The following TBC1D19 variants were observed in gnomAD, a reference collection of about 807,000 sequenced individuals.
TBC1D19 encodes TBC1 domain family member 19.
A neutral mutation model predicts 89.0 loss-of-function variants in TBC1D19; 60 were observed. The ratio of observed to expected loss-of-function variants is 0.67; its 90% CI spans 0.55 to 0.84. The LOEUF is 0.84. TBC1D19 is among the 40% of genes least tolerant of loss of function. The probability of loss-of-function intolerance (pLI) is 0.00; values close to 1 mark genes in which losing one functional copy is unlikely to be tolerated. For missense variants in TBC1D19, 500 were observed against 610.8 expected, an observed-to-expected ratio of 0.82 and a Z score of 1.91; for synonymous variants, 189 against 199.7, an observed-to-expected ratio of 0.95 and a Z score of 0.45.
Position 26,753,738 on chromosome 4 carries a change from T to C in TBC1D19, c.1436-82T>C, listed in dbSNP as rs1343009236. 7 of 1,473,324 alleles carry C rather than the reference T, an allele frequency of 4.8e-6. No individual in the cohort carries two copies. The East Asian group carries it at 1.1e-4, about 24-fold the overall frequency. 91.3% of individuals were successfully genotyped at this position (1,473,324 alleles called of 1,614,324 possible). A position where few individuals can be genotyped will look rare whatever the true frequency, so the allele number is the denominator to read the frequency against. On this transcript the variant is annotated intron_variant, in intron 19 of 20. Coordinates refer to ENST00000264866, the MANE Select transcript of TBC1D19 (RefSeq NM_018317.4). ...GCACTAGTTCTGAGTTTCCGTGCAG[T>C]GGATTTTGGGCATAGCATAGCAGTA...
intron 15 of TBC1D19, among the ~76,000 whole-genome samples, chr4:26,735,003 C>CATGTAT (rs1553915282): frequency 1.8e-3 from 211 of 115,260 alleles, no homozygotes; most frequent in African/African-American, 6.1e-3. Context: ...TATGTATACA[C>CATGTAT]ATATGTATAT....
intron 9 of TBC1D19, among the ~76,000 whole-genome samples, chr4:26,669,951 T>G (rs1284469854): frequency 6.6e-6 from 1 of 151,726 alleles, no homozygotes; most frequent in African/African-American, 2.4e-5. Flanking sequence ...AGTTTTGTGA[T>G]GTGCTTATCA....
At chr4:26,829,283 G>T in the TBC1D19 span, among the ~76,000 whole-genome samples, 1 of 152,154 alleles carries the variant, frequency 6.6e-6, no homozygotes, top group African/African-American at 2.4e-5. Context: ...CTCTGTTCTC[G>T]CTGTGGGAGT....
intron 12 of TBC1D19, among the ~76,000 whole-genome samples, chr4:26,686,375 T>C (rs1046618306): frequency 2.6e-5 from 4 of 151,952 alleles, no homozygotes; most frequent in African/African-American, 4.8e-5. Context: ...CAGAACATCA[T>C]TGAACCCTCC....
intron 13 of TBC1D19, among the ~76,000 whole-genome samples, chr4:26,714,651 A>C (rs1264028702): frequency 2.0e-5 from 3 of 152,080 alleles, no homozygotes. Context: ...ATAAATACAA[A>C]ACCAGATAAG....
intron 16 of TBC1D19, 44 bp downstream of exon 16, chr4:26,735,531 A>G (rs752446600): frequency 6.8e-7 from 1 of 1,461,152 alleles, no homozygotes; most frequent in South Asian, 1.3e-5. Context: ...CAAAACATAC[A>G]ATGTTATCTG....
chr4:26,857,662 G>A, the TBC1D19 span: 5 of 152,314 alleles, frequency 3.3e-5, no homozygotes, highest in Non-Finnish European at 7.3e-5. Flanking sequence ...GCACCTGGGG[G>A]AAGCCGGCAG....
intron 18 of TBC1D19, among the ~76,000 whole-genome samples, chr4:26,748,058 T>C (rs1718747377): frequency 6.6e-6 from 1 of 152,182 alleles, no homozygotes; most frequent in African/African-American, 2.4e-5. Flanking sequence ...AAATTCAAAT[T>C]ATTATAGATT....
intron 13 of TBC1D19, among the ~76,000 whole-genome samples, chr4:26,698,754 A>G (rs975264227): frequency 2.0e-5 from 3 of 152,098 alleles, no homozygotes; most frequent in Non-Finnish European, 2.9e-5. Flanking sequence ...CAAAAAGAAG[A>G]AATGGGGAAA....
chr4:26,657,280 C>T (rs1449832659), intron 7 of TBC1D19, among the ~76,000 whole-genome samples: 1 of 151,848 alleles, frequency 6.6e-6, no homozygotes, highest in Non-Finnish European at 1.5e-5. Context: ...GTTTTCCTCC[C>T]TGTGTCCATG....
At chr4:26,599,591 T>C (rs1342573400) in intron 1 of TBC1D19, among the ~76,000 whole-genome samples, 2 of 152,210 alleles carry the variant, frequency 1.3e-5, no homozygotes, top group Non-Finnish European at 2.9e-5. Context: ...TTGTGTTCTC[T>C]AGAAAAGGGC....
the TBC1D19 span, among the ~76,000 whole-genome samples, chr4:26,849,969 T>C: frequency 6.6e-6 from 1 of 152,188 alleles, no homozygotes; most frequent in African/African-American, 2.4e-5. Context: ...TCTCTGCCAC[T>C]CTACCATTTG....
the TBC1D19 span, among the ~76,000 whole-genome samples, chr4:26,851,562 A>C: frequency 6.6e-6 from 1 of 152,186 alleles, no homozygotes; most frequent in Non-Finnish European, 1.5e-5. Context: ...GGTGCAAAGG[A>C]TGTAAACTCA....
intron 1 of TBC1D19, among the ~76,000 whole-genome samples, chr4:26,586,876 A>G (rs1179910322): frequency 6.6e-6 from 1 of 152,234 alleles, no homozygotes; most frequent in Non-Finnish European, 1.5e-5. Flanking sequence ...TTTTCCAGGT[A>G]CATGTATCAT....
chr4:26,655,414 T>C (rs1744723681), intron 7 of TBC1D19, among the ~76,000 whole-genome samples: 1 of 152,238 alleles, frequency 6.6e-6, no homozygotes, highest in Non-Finnish European at 1.5e-5. Context: ...GACAGGGACA[T>C]TTAAGTCTGC....
chr4:26,663,507 G>T (rs939533946), intron 8 of TBC1D19, among the ~76,000 whole-genome samples: 1 of 152,146 alleles, frequency 6.6e-6, no homozygotes, highest in African/African-American at 2.4e-5. Context: ...AGGTAAAAAA[G>T]CAGGGAAAGG....
At chr4:26,776,948 C>T in the TBC1D19 span, among the ~76,000 whole-genome samples, 2 of 151,984 alleles carry the variant, frequency 1.3e-5, no homozygotes, top group Non-Finnish European at 2.9e-5. Context: ...TTTTGAAGTT[C>T]ATCGTGTGCT....
At chr4:26,595,243 G>T (rs1481713075) in intron 1 of TBC1D19, among the ~76,000 whole-genome samples, 1 of 152,076 alleles carries the variant, frequency 6.6e-6, no homozygotes, top group Non-Finnish European at 1.5e-5. Flanking sequence ...CTTTAGTCAG[G>T]TGTCTTTTCA....
the TBC1D19 span, among the ~76,000 whole-genome samples, chr4:26,803,147 T>C: frequency 6.6e-6 from 1 of 152,174 alleles, no homozygotes. Flanking sequence ...CTCACTTCTC[T>C]ATGCAGATTT....
Sources: allele counts gnomAD v4.1 joint callset (sites outside exome capture counted in the v4.1 genomes callset), GRCh38; gene constraint gnomAD v4.1.1; transcripts MANE v1.5; gene names NCBI Gene and HGNC (gene_info 2026-07-23, HGNC 2026-07-21).